ZNF417: variants seen among roughly 807,000 people sequenced by gnomAD.
The protein encoded by ZNF417 is zinc finger protein 417.
In ZNF417, 5 loss-of-function variants were observed where a neutral mutation model predicts 7.4. The ratio of observed to expected loss-of-function variants is 0.68; its 90% CI spans 0.35 to 1.43. The LOEUF (loss-of-function observed/expected upper bound fraction) is 1.43. ZNF417 is among the 40% of genes most tolerant of loss of function. The probability of loss-of-function intolerance (pLI) is 0.04; values close to 1 mark genes in which losing one functional copy is unlikely to be tolerated. For synonymous variants in ZNF417, 147 were observed against 239.1 expected (o/e 0.61, Z 3.55); for missense variants, 437 against 697.3 (o/e 0.63, Z 4.20).
rs529839699 is a variant in ZNF417 at position 57,907,925 on chromosome 19, C to G, written c.*625G>C. On this transcript the variant is annotated 3_prime_UTR_variant, in exon 3 of 3. Transcript: ENST00000312026. ...TAGCTAGAAGACAAAAGCCTCAGAA[C>G]ACATAAATCTCAACGGGTACTGAGT... 1.9e-5 allele frequency: 3 copies of G among 154,008 alleles called. No homozygotes were observed. The East Asian group carries it at 5.8e-4, about 30-fold the overall frequency. The allele number at this position is 154,008 out of a possible 1,614,324, so 9.5% of individuals were successfully genotyped here.
In ZNF417 at chr19:57,909,006, A is replaced by G. The variant is rs1568528289; in HGVS notation, c.1272T>C (p.Thr424=). Residue 424 remains threonine, a synonymous_variant, in exon 3 of 3, where the codon ACT becomes ACC. Transcript: ENST00000312026. ...CCCCAGTGTGAAGTCTCTGGTGTTC[A>G]GTGAGGTGGGATCTGTACCTAAATG... ...GKSFRYRSHL[T]EHQRLHTGER... is the part of the protein sequence containing the mutation. The G allele has an allele frequency of 1.9e-6, 3 of 1,606,432 alleles. No individual in the cohort carries two copies. Among genetic ancestry groups the G allele is most frequent in the Non-Finnish European group, 2.6e-6 (3 of 1,173,168 alleles).
Position 57,908,473 on chromosome 19 carries a change from G to T in ZNF417, c.*77C>A, listed in dbSNP as rs10414704. 0.36 allele frequency: 585,140 copies of T among 1,605,222 alleles called. 108,535 individuals are homozygous for T. Among genetic ancestry groups the T allele is most frequent in the Non-Finnish European group, 0.39 (453,732 of 1,173,316 alleles). ...TTCCCAGATTGACAGCACTCATAAG[G>T]CCTTTCTCCAGTATGAACTCTCCTG... is the stretch of plus-strand genomic sequence containing the variant. On this transcript the variant is annotated 3_prime_UTR_variant, in exon 3 of 3. Transcript: ENST00000312026.
In ZNF417 at chr19:57,908,660, T is replaced by A; in HGVS notation, c.1618A>T (p.Arg540Ter). The change falls in exon 3 of 3, where the codon AGA (arginine) becomes TGA (stop). Residue 540 changes from arginine to a stop codon, truncating the protein, a stop_gained. Coordinates refer to ENST00000312026, the MANE Select transcript of ZNF417 (RefSeq NM_152475.3). LOFTEE classifies it low-confidence loss of function (END_TRUNC). ...TAAGGCCTTTCTCCAGTGTGAATTCTCCTGTGTTTAATGAGACTGGAACAT... is the reference window on the plus strand; with the variant it reads ...TAAGGCCTTTCTCCAGTGTGAATTCACCTGTGTTTAATGAGACTGGAACAT... ...AECSSLIKHR[R>*]IHTGERPYEC... 1 of 1,614,048 alleles carries A rather than the reference T, an allele frequency of 6.2e-7. No homozygotes were observed. Among genetic ancestry groups the A allele is most frequent in the Non-Finnish European group, 8.5e-7 (1 of 1,179,998 alleles).
chr19:57,909,352 C>A lies in ZNF417; in HGVS notation c.926G>T (p.Gly309Val), dbSNP rs139387566. The A allele has an allele frequency of 3.4e-4, 541 of 1,614,080 alleles. 1 individual carries two copies. In the African/African-American group the frequency reaches 6.3e-3, roughly 19 times the overall value. ...EECGKSFSQK[G>V]SLISHQRVHT... ...AACACGCTGATGGCTAATAAGGCTG[C>A]CCTTCTGACTAAAAGATTTCCCGCA... The change falls in exon 3 of 3, where the codon GGC (glycine) becomes GTC (valine). Residue 309 changes from glycine to valine, a missense_variant. Coordinates refer to ENST00000312026, the MANE Select transcript of ZNF417 (RefSeq NM_152475.3).
chr19:57,906,526 G>A lies in ZNF417; in HGVS notation c.*2024C>T, dbSNP rs1459170105. 6.6e-6 allele frequency among the ~76,000 whole-genome samples: 1 copy of A among 151,928 alleles called. No homozygotes were observed. Among genetic ancestry groups the A allele is most frequent in the African/African-American group, 2.4e-5 (1 of 41,376 alleles). ...GCCTGTAATCCCAGCACTTTAGGAG[G>A]CTGAGGGGGGTGGATCATGAGGTCA... On this transcript the variant is annotated 3_prime_UTR_variant, in exon 3 of 3. Coordinates refer to ENST00000312026, the MANE Select transcript of ZNF417 (RefSeq NM_152475.3).
intron 1 of ZNF417, among the ~76,000 whole-genome samples, chr19:57,915,837 A>C (rs1443704292): frequency 6.6e-6 from 1 of 152,196 alleles, no homozygotes; most frequent in East Asian, 1.9e-4. Context: ...CCTGAAGATA[A>C]ATCACTATTG....
chr19:57,911,589 C>G (rs2071899779), intron 2 of ZNF417, among the ~76,000 whole-genome samples: 1 of 152,194 alleles, frequency 6.6e-6, no homozygotes, highest in African/African-American at 2.4e-5. Context: ...AACTAAGCAC[C>G]TGACAGCCCA....
chr19:57,915,912 A>C (rs1333585607), intron 1 of ZNF417, among the ~76,000 whole-genome samples: 1 of 152,212 alleles, frequency 6.6e-6, no homozygotes, highest in Admixed American at 6.5e-5. Flanking sequence ...AGCTGACAAC[A>C]CACAGACCGG....
In ZNF417 at chr19:57,916,587, G is replaced by A. The variant is rs1045540778; in HGVS notation, c.-176C>T. The A allele has an allele frequency of 2.1e-6, 3 of 1,462,180 alleles. No homozygotes were observed. Among genetic ancestry groups the A allele is most frequent in the East Asian group, 2.5e-5 (1 of 40,492 alleles). The allele number at this position is 1,462,180 out of a possible 1,614,324, so 90.6% of individuals were successfully genotyped here. A position where few individuals can be genotyped will look rare whatever the true frequency, so the allele number is the denominator to read the frequency against. ...ACACCCGCGTCACCGATACACAGCCGCTACTAGAGACCCCGGAAGTCTCAG... is the reference window on the plus strand; with the variant it reads ...ACACCCGCGTCACCGATACACAGCCACTACTAGAGACCCCGGAAGTCTCAG... On this transcript the variant is annotated 5_prime_UTR_variant, in exon 1 of 3. Coordinates refer to ENST00000312026, the MANE Select transcript of ZNF417 (RefSeq NM_152475.3).
chr19:57,914,105 G>A (rs1207020230), intron 1 of ZNF417, among the ~76,000 whole-genome samples: 1 of 152,028 alleles, frequency 6.6e-6, no homozygotes, highest in Non-Finnish European at 1.5e-5. Context: ...GTCAGCTGAT[G>A]CAGCGTCCAT....
intron 1 of ZNF417, among the ~76,000 whole-genome samples, chr19:57,914,822 A>G (rs1381342779): frequency 6.6e-6 from 1 of 152,242 alleles, no homozygotes; most frequent in African/African-American, 2.4e-5. Context: ...AGAAATGGGC[A>G]TACTTGCATA....
chr19:57,908,366 T>G lies in ZNF417; in HGVS notation c.*184A>C. 8.6e-7 allele frequency: 1 copy of G among 1,157,574 alleles called. No homozygotes were observed. 71.7% of individuals were successfully genotyped at this position (1,157,574 alleles called of 1,614,324 possible). A position where few individuals can be genotyped will look rare whatever the true frequency, so the allele number is the denominator to read the frequency against. On this transcript the variant is annotated 3_prime_UTR_variant, in exon 3 of 3. Transcript: ENST00000312026. ...TTGCAGTGAGCCAAGATTGCACCACTGCACTCCAGCCTGGGTGACAGAATG... is the reference window on the plus strand; with the variant it reads ...TTGCAGTGAGCCAAGATTGCACCACGGCACTCCAGCCTGGGTGACAGAATG...
chr19:57,907,447 T>C lies in ZNF417; in HGVS notation c.*1103A>G, dbSNP rs2071843294. 1 of 154,838 alleles carries C rather than the reference T, an allele frequency of 6.5e-6. No individual in the cohort carries two copies. The highest frequency in any genetic ancestry group is 2.4e-5 in the African/African-American group (1 of 41,528). The allele number at this position is 154,838 out of a possible 1,614,324, so 9.6% of individuals were successfully genotyped here. On this transcript the variant is annotated 3_prime_UTR_variant, in exon 3 of 3. Coordinates refer to ENST00000312026, the MANE Select transcript of ZNF417 (RefSeq NM_152475.3). ...TTAAAATGGACTTTGTGAGGTTCCA[T>C]GTGTTTGGTCAGTCATGAGAGGAAG...
At chr19:57,913,296 G>T (rs1037004182) in intron 1 of ZNF417, among the ~76,000 whole-genome samples, 1 of 152,164 alleles carries the variant, frequency 6.6e-6, no homozygotes, top group South Asian at 2.1e-4. Context: ...GTTTACAATA[G>T]CAGTGGTAAT....
Position 57,909,070 on chromosome 19 carries a change from G to A in ZNF417, c.1208C>T (p.Thr403Ile), listed in dbSNP as rs1568528349. 1.2e-6 allele frequency: 2 copies of A among 1,614,150 alleles called. No individual in the cohort carries two copies. The highest frequency in any genetic ancestry group is 8.5e-7 in the Non-Finnish European group (1 of 1,180,020). Residue 403 changes from threonine (T) to isoleucine (I), a missense_variant, in exon 3 of 3, where the codon ACT (threonine) becomes ATT (isoleucine). Physicochemically the swap from Thr to Ile is moderately conservative, Grantham distance 89 (BLOSUM62 -1). Transcript: ENST00000312026. The part of the protein sequence containing the change: ...GNLVQHQRGH[T>I]GERPYECKEC... ...CTTGCACTCATAGGGCCTTTCTCCA[G>A]TATGACCTCGCTGATGTTGAACGAG...
In ZNF417 at chr19:57,908,665, T is replaced by C. The variant is rs769208173; in HGVS notation, c.1613A>G (p.His538Arg). ...SFAECSSLIK[H>R]RRIHTGERPY... The stretch of plus-strand genomic sequence containing the variant: ...CCTTTCTCCAGTGTGAATTCTCCTG[T>C]GTTTAATGAGACTGGAACATTCAGC... Residue 538 changes from histidine to arginine, a missense_variant, in exon 3 of 3, where the codon CAC becomes CGC. This residue lies in a region of ZNF417 where 233 missense variants were observed against 235.5 expected (regional missense o/e 0.99). Transcript: ENST00000312026. 31 of 1,614,096 alleles carry C rather than the reference T, an allele frequency of 1.9e-5. 2 individuals carry two copies. In the South Asian group the frequency reaches 3.4e-4, roughly 18 times the overall value.
rs1158437809 is a variant in ZNF417 at position 57,906,009 on chromosome 19, A to G, written c.*2541T>C. Among the ~76,000 whole-genome samples the G allele has an allele frequency of 6.6e-6, 1 of 152,128 alleles. No homozygotes were observed. Reference sequence around the variant, plus strand: ...GAGGCAGGGCCTTGCTCTTTTGCCCAGGCTAGAGTGCAGTGGTACCATCTC... The same window carrying G: ...GAGGCAGGGCCTTGCTCTTTTGCCCGGGCTAGAGTGCAGTGGTACCATCTC... On this transcript the variant is annotated 3_prime_UTR_variant, in exon 3 of 3. Coordinates refer to ENST00000312026, the MANE Select transcript of ZNF417 (RefSeq NM_152475.3).
Position 57,908,562 on chromosome 19 carries a change from T to C in ZNF417, c.1716A>G (p.Arg572=). 1.2e-6 allele frequency: 2 copies of C among 1,614,186 alleles called. No individual in the cohort carries two copies. The highest frequency in any genetic ancestry group is 8.5e-7 in the Non-Finnish European group (1 of 1,180,028). ...ATATTCACTGCACTCATAAGGCCTT[T>C]CTCCTGTGTGAACTCTGATGATGAA... is the stretch of plus-strand genomic sequence containing the variant. ...TLLHHQSSHR[R]KAL Residue 572 remains arginine (R), a synonymous_variant, in exon 3 of 3, where the codon AGA becomes AGG. Transcript: ENST00000312026.
Position 57,908,451 on chromosome 19 carries a change from C to T in ZNF417, c.*99G>A. 2 of 1,593,516 alleles carry T rather than the reference C, an allele frequency of 1.3e-6. No individual in the cohort carries two copies. Among genetic ancestry groups the T allele is most frequent in the East Asian group, 2.2e-5 (1 of 44,722 alleles). The stretch of plus-strand genomic sequence containing the variant: ...AGGAGAGCAGACATTCTGATGTTTC[C>T]CAGATTGACAGCACTCATAAGGCCT... On this transcript the variant is annotated 3_prime_UTR_variant, in exon 3 of 3. Transcript: ENST00000312026.
Sources: allele counts gnomAD v4.1 joint callset (sites outside exome capture counted in the v4.1 genomes callset), GRCh38; gene constraint gnomAD v4.1.1; regional missense constraint gnomAD v4.1.1; transcripts MANE v1.5; gene names NCBI Gene and HGNC (gene_info 2026-07-23, HGNC 2026-07-21).